Variants in DSCAML1 observed in about 807,000 individuals in gnomAD.
DSCAML1 encodes DS cell adhesion molecule like 1, also known as cell adhesion molecule DSCAML1.
A neutral mutation model predicts 200.5 loss-of-function variants in DSCAML1; 38 were observed. The observed-to-expected ratio is 0.19, with a 90% CI of 0.15 to 0.25. The LOEUF is 0.25. Ranked by LOEUF, DSCAML1 falls within the 10% of genes least tolerant of loss-of-function variation. The pLI, the probability that DSCAML1 is intolerant of heterozygous loss-of-function variation, is 1.00. For missense variants in DSCAML1, 2,223 were observed against 2,858.8 expected (o/e 0.78, Z 5.07); for synonymous variants, 1,215 against 1,165.0 (o/e 1.04, Z -0.87).
chr11:117,797,151 C>T lies in DSCAML1; in HGVS notation c.-72G>A. ...CGTGCGGCAGCGCCTCTCCCCCGCT[C>T]AGCGCGCTCCCAGCCGCCCGCACTC... On this transcript the variant is annotated 5_prime_UTR_variant, in exon 1 of 33. Transcript: ENST00000651296. The T allele has an allele frequency of 6.3e-7, 1 of 1,589,266 alleles. No homozygotes were observed. Among genetic ancestry groups the T allele is most frequent in the South Asian group, 1.1e-5 (1 of 88,042 alleles).
chr11:117,778,649 T>C (rs573172882), intron 2 of DSCAML1, among the ~76,000 whole-genome samples: 1 of 152,356 alleles, frequency 6.6e-6, no homozygotes, highest in Admixed American at 6.5e-5. Context: ...GTGACTTAAC[T>C]CTCTTTGTTT....
intron 17 of DSCAML1, 142 bp downstream of exon 17, chr11:117,464,800 C>T (rs969384391): frequency 9.4e-6 from 12 of 1,279,554 alleles, no homozygotes; most frequent in African/African-American, 9.0e-5. Context: ...GAGGAGATGG[C>T]GGGGATGCAG....
Position 117,528,576 on chromosome 11 carries a change from C to T in DSCAML1, c.659-3493G>A, listed in dbSNP as rs12420034. Among the ~76,000 whole-genome samples the T allele has an allele frequency of 5.6e-3, 856 of 152,268 alleles. 11 individuals are homozygous for T. Among genetic ancestry groups the T allele is most frequent in the Admixed American group, 0.032 (491 of 15,288 alleles). The stretch of plus-strand genomic sequence containing the variant: ...GATGCCCTGGGGAGGCTGCTGGGAA[C>T]CCTGCCCCCATAGCCAGCTGAACAG... On this transcript the variant is annotated intron_variant, in intron 4 of 32. Transcript: ENST00000651296.
Position 117,778,297 on chromosome 11 carries a change from G to C in DSCAML1, c.365-1360C>G, listed in dbSNP as rs530608963. On this transcript the variant is annotated intron_variant, in intron 2 of 32. Coordinates refer to ENST00000651296, the MANE Select transcript of DSCAML1 (RefSeq NM_020693.4). ...GGCAGAGCCCTGCCTCCAGATATGG[G>C]AGAGCACAGAGGAGAACAAGGGGAA... Among the ~76,000 whole-genome samples the C allele has an allele frequency of 4.6e-5, 7 of 152,342 alleles. No homozygotes were observed. In the South Asian group the frequency reaches 1.4e-3, roughly 32 times the overall value.
chr11:117,612,442 CT>C, intron 3 of DSCAML1, among the ~76,000 whole-genome samples: 1 of 152,208 alleles, frequency 6.6e-6, no homozygotes, highest in Non-Finnish European at 1.5e-5. Flanking sequence ...CTGCCTCCCC[CT>C]ACCCCCGCCC....
At chr11:117,759,238 T>C (rs2054754842) in intron 3 of DSCAML1, among the ~76,000 whole-genome samples, 1 of 152,144 alleles carries the variant, frequency 6.6e-6, no homozygotes, top group Non-Finnish European at 1.5e-5. Flanking sequence ...CCTATAGCCC[T>C]GACAAACCAA....
intron 4 of DSCAML1, among the ~76,000 whole-genome samples, chr11:117,530,540 G>A (rs1190955534): frequency 6.6e-6 from 1 of 152,170 alleles, no homozygotes; most frequent in Non-Finnish European, 1.5e-5. Context: ...GGTTTCCCTC[G>A]GCATTGATTA....
chr11:117,617,878 G>A (rs940717413), intron 3 of DSCAML1, among the ~76,000 whole-genome samples: 3 of 152,064 alleles, frequency 2.0e-5, no homozygotes, highest in African/African-American at 4.8e-5. Context: ...AGGAGGGGTC[G>A]GCAGGGCCAG....
At chr11:117,695,429 G>A (rs1012601008) in intron 3 of DSCAML1, among the ~76,000 whole-genome samples, 2 of 149,578 alleles carry the variant, frequency 1.3e-5, no homozygotes, top group Non-Finnish European at 3.0e-5. Flanking sequence ...AGATGTGTAT[G>A]TTGGGTCACC....
At chr11:117,622,932 C>A (rs554890338) in intron 3 of DSCAML1, among the ~76,000 whole-genome samples, 1 of 152,270 alleles carries the variant, frequency 6.6e-6, no homozygotes, top group East Asian at 1.9e-4. Context: ...GCAAGGTGTA[C>A]ACATATAAAT....
At chr11:117,569,391 GC>G (rs1460352943) in intron 3 of DSCAML1, among the ~76,000 whole-genome samples, 1 of 152,196 alleles carries the variant, frequency 6.6e-6, no homozygotes, top group Non-Finnish European at 1.5e-5. Flanking sequence ...AAACTAAAGA[GC>G]TTCTGCACAG....
intron 3 of DSCAML1, among the ~76,000 whole-genome samples, chr11:117,536,314 G>A (rs1005474435): frequency 1.3e-5 from 2 of 152,220 alleles, no homozygotes; most frequent in East Asian, 1.9e-4. Flanking sequence ...GGATGGAGAC[G>A]GGCCAGGGTT....
chr11:117,649,457 G>GC, intron 3 of DSCAML1, among the ~76,000 whole-genome samples: 1 of 152,234 alleles, frequency 6.6e-6, no homozygotes, highest in Non-Finnish European at 1.5e-5. Flanking sequence ...GTCTCCACTA[G>GC]CCATATGCCT....
chr11:117,722,545 C>T (rs865785102), intron 3 of DSCAML1, among the ~76,000 whole-genome samples: 8 of 152,090 alleles, frequency 5.3e-5, no homozygotes, highest in African/African-American at 1.9e-4. Flanking sequence ...GTTCCCAACA[C>T]AAAGAAATGA....
intron 3 of DSCAML1, among the ~76,000 whole-genome samples, chr11:117,719,648 A>G (rs2054012211): frequency 6.6e-6 from 1 of 152,238 alleles, no homozygotes; most frequent in Non-Finnish European, 1.5e-5. Context: ...TATTATACCC[A>G]TTTTATAGAT....
At position 117,489,930 on chromosome 11, in the gene DSCAML1, T is replaced by C. The variant is rs1170347473; in HGVS notation, c.2360-7768A>G. On this transcript the variant is annotated intron_variant, in intron 11 of 32. Transcript: ENST00000651296. This position sits in a 1 kb window ranked among gnomAD's most constrained non-coding sequence, Gnocchi z 4.8. Reference sequence around the variant, plus strand: ...GAAAGGAGAGCTTTACTGGGTATCTTTGCCGTCCTCCTCCAGTGCCCCAGG... The same window carrying C: ...GAAAGGAGAGCTTTACTGGGTATCTCTGCCGTCCTCCTCCAGTGCCCCAGG... Among the ~76,000 whole-genome samples, 1 of 152,230 alleles carries C rather than the reference T, an allele frequency of 6.6e-6. No homozygotes were observed. The highest frequency in any genetic ancestry group is 1.5e-5 in the Non-Finnish European group (1 of 68,038).
intron 3 of DSCAML1, among the ~76,000 whole-genome samples, chr11:117,675,891 T>C (rs975329124): frequency 2.6e-5 from 4 of 152,186 alleles, no homozygotes; most frequent in African/African-American, 9.7e-5. Context: ...CTGCATCGAA[T>C]GGCTCCCACT....
intron 3 of DSCAML1, among the ~76,000 whole-genome samples, chr11:117,539,613 A>AAAAAAAAAAAAAAAAAAAAC (rs2050229734): frequency 6.7e-6 from 1 of 149,666 alleles, no homozygotes; most frequent in Non-Finnish European, 1.5e-5. Flanking sequence ...TGTCAAAAAA[A>AAAAAAAAAAAAAAAAAAAAC]AAAAAAAAAA....
intron 3 of DSCAML1, among the ~76,000 whole-genome samples, chr11:117,663,627 G>T (rs960457896): frequency 6.6e-6 from 1 of 151,258 alleles, no homozygotes; most frequent in Non-Finnish European, 1.5e-5. Flanking sequence ...CAAGTGCCCG[G>T]CCAGGCCAGA....
Sources: gnomAD v4.1 joint callset for allele counts (sites outside exome capture counted in the v4.1 genomes callset) on GRCh38, gnomAD v4.1.1 for gene constraint, Gnocchi (gnomAD v3.1) non-coding constraint, MANE v1.5 for transcripts, NCBI Gene and HGNC (gene_info 2026-07-23, HGNC 2026-07-21) for gene names.